The following VPS13B variants were observed in gnomAD, a reference collection of about 807,000 sequenced individuals.
VPS13B encodes intermembrane lipid transfer protein VPS13B.
A neutral mutation model predicts 426.4 loss-of-function variants in VPS13B; 285 were observed. The observed-to-expected ratio is 0.67, with a 90% CI of 0.61 to 0.74. VPS13B has a LOEUF of 0.74. Among genes scored for constraint, VPS13B ranks in the 30% least tolerant of loss-of-function variants. VPS13B has a pLI of 0.00. For missense variants in VPS13B, 4,537 were observed against 4,782.6 expected, an observed-to-expected ratio of 0.95 and a Z score of 1.51; for synonymous variants, 1,676 against 1,676.4, an observed-to-expected ratio of 1.00 and a Z score of 0.01.
At chr8:99,461,353 C>G (rs1427418281) in intron 23 of VPS13B, among the ~76,000 whole-genome samples, 1 of 152,092 alleles carries the variant, frequency 6.6e-6, no homozygotes, top group Non-Finnish European at 1.5e-5. Flanking sequence ...TGATTACATA[C>G]TCTCTCAGAT....
chr8:99,352,458 G>T (rs1811942682), intron 19 of VPS13B, among the ~76,000 whole-genome samples: 2 of 152,084 alleles, frequency 1.3e-5, no homozygotes, highest in African/African-American at 2.4e-5. Context: ...GAAATGAGTG[G>T]TAATAAGAAT....
intron 19 of VPS13B, among the ~76,000 whole-genome samples, chr8:99,303,877 T>C (rs182876922): frequency 6.6e-6 from 1 of 152,306 alleles, no homozygotes; most frequent in East Asian, 1.9e-4. Context: ...ATTTTTCCAT[T>C]TATATGCATA....
At chr8:99,160,132 G>A (rs1220248728) in intron 15 of VPS13B, among the ~76,000 whole-genome samples, 1 of 151,998 alleles carries the variant, frequency 6.6e-6, no homozygotes, top group Non-Finnish European at 1.5e-5. Flanking sequence ...AGTATCTCCT[G>A]GGTATGTCCA....
At chr8:99,274,627 G>A (rs183489043) in intron 18 of VPS13B, among the ~76,000 whole-genome samples, 32 of 152,116 alleles carry the variant, frequency 2.1e-4, no homozygotes, top group Middle Eastern at 3.4e-3. Flanking sequence ...TATATAATAT[G>A]ACACTTAAAA....
chr8:99,458,422 G>C (rs1818630301), intron 23 of VPS13B, among the ~76,000 whole-genome samples: 1 of 152,030 alleles, frequency 6.6e-6, no homozygotes, highest in Admixed American at 6.6e-5. Context: ...ATAATCCTTT[G>C]GGTATATACC....
At position 99,386,500 on chromosome 8, in the gene VPS13B, C is replaced by G. The variant is rs538473908; in HGVS notation, c.2934+2183C>G. 1.2e-4 allele frequency among the ~76,000 whole-genome samples: 18 copies of G among 152,226 alleles called. No homozygotes were observed. In the East Asian group the frequency reaches 3.1e-3, roughly 26 times the overall value. ...GGGTACAAACCTGTACAGAGTATTA[C>G]TGTACTGAATACCTTAGGCAATTGT... On this transcript the variant is annotated intron_variant, in intron 20 of 61. Coordinates refer to ENST00000357162, the MANE Select transcript of VPS13B (RefSeq NM_152564.5).
intron 19 of VPS13B, among the ~76,000 whole-genome samples, chr8:99,341,951 T>C (rs955187980): frequency 3.3e-5 from 5 of 152,226 alleles, no homozygotes; most frequent in African/African-American, 1.2e-4. Context: ...GTTTTCCATT[T>C]TGAGTTCTAT....
chr8:99,331,616 T>C (rs747842575), intron 19 of VPS13B, among the ~76,000 whole-genome samples: 2 of 151,826 alleles, frequency 1.3e-5, no homozygotes, highest in Non-Finnish European at 3.0e-5. Flanking sequence ...TGGTTAGTTA[T>C]GTTAACAACA....
intron 17 of VPS13B, among the ~76,000 whole-genome samples, chr8:99,201,095 A>G (rs1262053626): frequency 1.3e-5 from 2 of 151,248 alleles, no homozygotes; most frequent in Non-Finnish European, 3.0e-5. Context: ...ATTTTAGACT[A>G]TTTTTCTTTC....
At chr8:99,034,857 G>A (rs951291892) in intron 2 of VPS13B, among the ~76,000 whole-genome samples, 2 of 152,206 alleles carry the variant, frequency 1.3e-5, no homozygotes, top group Admixed American at 1.3e-4. Flanking sequence ...TCGCATGCGC[G>A]CGCGTGTGTG....
In VPS13B at chr8:99,126,118, T is replaced by A. The variant is rs186686872; in HGVS notation, c.1206+4673T>A. On this transcript the variant is annotated intron_variant, in intron 8 of 61. Coordinates refer to ENST00000357162, the MANE Select transcript of VPS13B (RefSeq NM_152564.5). ...TGATGATCTCTAATGGGACAATAGG[T>A]CATTAATTCATGATAGCAGGAAAGA... Among the ~76,000 whole-genome samples the A allele has an allele frequency of 2.0e-3, 302 of 152,274 alleles. 1 individual carries two copies. The highest frequency in any genetic ancestry group is 3.4e-3 in the Non-Finnish European group (230 of 68,024).
chr8:99,825,384 G>C (rs1315972316), intron 51 of VPS13B, among the ~76,000 whole-genome samples: 1 of 152,082 alleles, frequency 6.6e-6, no homozygotes, highest in Non-Finnish European at 1.5e-5. Context: ...TTTGAGAAGT[G>C]TCTGTGTATA....
At chr8:99,587,438 A>G (rs1055241629) in intron 33 of VPS13B, among the ~76,000 whole-genome samples, 4 of 151,702 alleles carry the variant, frequency 2.6e-5, no homozygotes, top group Non-Finnish European at 4.4e-5. Context: ...TACTCCCACC[A>G]ACAGTGTAAA....
chr8:99,739,985 G>A (rs144442555), intron 39 of VPS13B, among the ~76,000 whole-genome samples: 3,495 of 152,288 alleles, frequency 0.023, 60 homozygotes, highest in Middle Eastern at 0.082. Context: ...TGAGTTTGAC[G>A]AGTTGAGAGA....
At chr8:99,603,363 AC>A (rs2133861455) in intron 33 of VPS13B, among the ~76,000 whole-genome samples, 1 of 152,328 alleles carries the variant, frequency 6.6e-6, no homozygotes, top group East Asian at 1.9e-4. Context: ...TCCTGCACAT[AC>A]ATATCTATGA....
intron 23 of VPS13B, among the ~76,000 whole-genome samples, chr8:99,460,838 G>A (rs572617216): frequency 2.0e-5 from 3 of 152,268 alleles, no homozygotes; most frequent in South Asian, 4.1e-4. Context: ...TTTGATCATG[G>A]CAGCAATGCC....
intron 39 of VPS13B, among the ~76,000 whole-genome samples, chr8:99,733,480 G>A (rs1489945212): frequency 6.6e-6 from 1 of 152,210 alleles, no homozygotes; most frequent in East Asian, 1.9e-4. Flanking sequence ...ACTGTTGGAT[G>A]TAAAAAAATA....
rs527949849 is a variant in VPS13B, at chr8:99,445,798, A to G, written c.3445+3163A>G. Among the ~76,000 whole-genome samples the G allele has an allele frequency of 1.2e-4, 18 of 152,190 alleles. No individual in the cohort carries two copies. The East Asian group carries it at 3.5e-3, about 29-fold the overall frequency. On this transcript the variant is annotated intron_variant, in intron 23 of 61. Transcript: ENST00000357162. ...CTCCAGATTGAGGTTATTGTCATAA[A>G]TTTTCTTTTATTTTTAAAACTTGAT... is the stretch of plus-strand genomic sequence containing the variant.
chr8:99,875,142 A>G (rs1817635777), intron 61 of VPS13B: 5 of 477,240 alleles, frequency 1.0e-5, no homozygotes, highest in Non-Finnish European at 1.9e-5. Context: ...AATGTTATCA[A>G]ATCGTCAACT....
Sources: allele counts gnomAD v4.1 joint callset (sites outside exome capture counted in the v4.1 genomes callset), GRCh38; gene constraint gnomAD v4.1.1; transcripts MANE v1.5; gene names NCBI Gene and HGNC (gene_info 2026-07-23, HGNC 2026-07-21).